WDR44: variants seen among roughly 807,000 people sequenced by gnomAD.
WDR44 encodes the protein WD repeat domain 44.
In WDR44, 9 loss-of-function variants were observed where a neutral mutation model predicts 65.7. That is an observed-to-expected ratio of 0.14 (90% CI 0.08 to 0.24). WDR44 has a LOEUF of 0.24. Among genes scored for constraint, WDR44 ranks in the 10% least tolerant of loss-of-function variants. WDR44 has a pLI of 1.00. For missense variants in WDR44, 425 were observed against 670.9 expected (o/e 0.63, Z 4.05); for synonymous variants, 220 against 235.2 (o/e 0.94, Z 0.59).
Position 118,409,572 on chromosome X carries a change from T to C in WDR44, c.1617T>C (p.Ala539=). 1 of 1,206,886 alleles carries C rather than the reference T, an allele frequency of 8.3e-7. No homozygotes were observed. Among genetic ancestry groups the C allele is most frequent in the African/African-American group, 1.7e-5 (1 of 57,636 alleles). The part of the protein sequence containing the change: ...AGQDNVVRIW[A]LKNAFDYFNN... Reference sequence around the variant, plus strand: ...AAGACAATGTAGTGAGAATATGGGCTTTAAAAAATGCTTTTGACTATTTCA... The same window carrying C: ...AAGACAATGTAGTGAGAATATGGGCCTTAAAAAATGCTTTTGACTATTTCA... Residue 539 remains alanine (A), a synonymous_variant, in exon 11 of 20, where the codon GCT becomes GCC. Coordinates refer to ENST00000254029, the MANE Select transcript of WDR44 (RefSeq NM_019045.5).
chrX:118,346,371 A>G lies in WDR44; in HGVS notation c.-133A>G. On this transcript the variant is annotated 5_prime_UTR_variant, in exon 1 of 20. Transcript: ENST00000254029. The stretch of plus-strand genomic sequence containing the variant: ...TTCCTTAACAGTCTCCTCGCTACAG[A>G]TCGTCTGCTCCCTCAGCCTCGCCCG... 1.8e-6 allele frequency: 1 copy of G among 545,029 alleles called. No homozygotes were observed. Among genetic ancestry groups the G allele is most frequent in the African/African-American group, 2.3e-5 (1 of 43,211 alleles). 44.9% of individuals were successfully genotyped at this position (545,029 alleles called of 1,213,427 possible).
chrX:118,378,710 G>A lies in WDR44; in HGVS notation c.111+258G>A, dbSNP rs182951250. Among the ~76,000 whole-genome samples, 13 of 46,162 alleles carry A rather than the reference G, an allele frequency of 2.8e-4. No individual in the cohort carries two copies. The East Asian group carries it at 0.013, about 45-fold the overall frequency. 40.1% of individuals were successfully genotyped at this position (46,162 alleles called of 115,157 possible). A position where few individuals can be genotyped will look rare whatever the true frequency, so the allele number is the denominator to read the frequency against. On this transcript the variant is annotated intron_variant, in intron 2 of 19. Coordinates refer to ENST00000254029, the MANE Select transcript of WDR44 (RefSeq NM_019045.5). ...TTTATAATATCTAGAATAAAAGAAC[G>A]TGTGTGTGTGTGTGTGTGTGTGTGT...
intron 12 of WDR44, among the ~76,000 whole-genome samples, chrX:118,420,341 C>T (rs1340864701): frequency 9.0e-6 from 1 of 110,736 alleles, no homozygotes; most frequent in Admixed American, 9.6e-5. Flanking sequence ...CAACCTGCGC[C>T]TCCCGGGTTC....
Position 118,378,420 on chromosome X carries a change from T to A in WDR44, c.79T>A (p.Ser27Thr). 8.3e-7 allele frequency: 1 copy of A among 1,208,471 alleles called. No homozygotes were observed. Among genetic ancestry groups the A allele is most frequent in the Non-Finnish European group, 1.1e-6 (1 of 893,387 alleles). The change falls in exon 2 of 20, where the codon TCT (serine) becomes ACT (threonine). Residue 27 changes from serine (S) to threonine (T), a missense_variant and splice_region_variant. Transcript: ENST00000254029. Reference sequence around the variant, plus strand: ...CTCCTTACTTTTATTTCTGAACAGGTCTCCAGGAAAAGTTGGGCTTTCAAC... The same window carrying A: ...CTCCTTACTTTTATTTCTGAACAGGACTCCAGGAAAAGTTGGGCTTTCAAC... ...VHLGGGYPVG[S>T]PGKVGLSTFK... is the part of the protein sequence containing the mutation.
At chrX:118,387,271 C>A in intron 2 of WDR44, 69 bp from the exon 3 acceptor site, 1 of 676,189 alleles carries the variant, frequency 1.5e-6, no homozygotes, top group Non-Finnish European at 2.2e-6. Flanking sequence ...TCATTTGTAC[C>A]CCTTTAAAGC....
intron 3 of WDR44, among the ~76,000 whole-genome samples, chrX:118,389,908 T>A (rs1407137653): frequency 6.5e-5 from 7 of 107,286 alleles, no homozygotes; most frequent in Non-Finnish European, 1.1e-4. Flanking sequence ...TTATTTATTT[T>A]TTGAGACTTG....
At chrX:118,428,025 C>A (rs773061235) in intron 12 of WDR44, among the ~76,000 whole-genome samples, 154 of 109,040 alleles carry the variant, frequency 1.4e-3, no homozygotes, top group African/African-American at 4.8e-3. Flanking sequence ...TGGCTTATTA[C>A]ACTTGTAATC....
chrX:118,357,774 G>C (rs766179657), intron 1 of WDR44, among the ~76,000 whole-genome samples: 100 of 109,615 alleles, frequency 9.1e-4, no homozygotes, highest in Non-Finnish European at 1.7e-3. Flanking sequence ...GTCCCAGCTA[G>C]GTGGGCGTAG....
intron 15 of WDR44, 35 bp from the exon 16 acceptor site, chrX:118,442,209 A>G (rs2057310043): frequency 8.9e-7 from 1 of 1,129,528 alleles, no homozygotes; most frequent in African/African-American, 1.8e-5. Context: ...ACATGCTCCT[A>G]ATTCTAATAT....
chrX:118,407,760 A>T (rs146762942), intron 10 of WDR44, among the ~76,000 whole-genome samples: 1 of 112,277 alleles, frequency 8.9e-6, no homozygotes, highest in East Asian at 2.8e-4. Context: ...TTAGAGTTCA[A>T]ATGTACCAAT....
chrX:118,369,657 A>G (rs1450024647), intron 1 of WDR44, among the ~76,000 whole-genome samples: 1 of 106,307 alleles, frequency 9.4e-6, no homozygotes, highest in African/African-American at 3.5e-5. Flanking sequence ...TTTAGTAGAG[A>G]TGGGGTTTCA....
chrX:118,355,503 G>A (rs745941951), intron 1 of WDR44, among the ~76,000 whole-genome samples: 17 of 112,192 alleles, frequency 1.5e-4, no homozygotes, highest in African/African-American at 5.5e-4. Context: ...AAAGCAAGTA[G>A]ATTTGTCTGT....
intron 12 of WDR44, among the ~76,000 whole-genome samples, chrX:118,425,888 C>T (rs1485633579): frequency 9.0e-6 from 1 of 110,571 alleles, no homozygotes; most frequent in Non-Finnish European, 1.9e-5. Flanking sequence ...GCCTGGCCAA[C>T]ATGGTGAAAC....
At chrX:118,385,288 T>C (rs1327152221) in intron 2 of WDR44, among the ~76,000 whole-genome samples, 6 of 112,139 alleles carry the variant, frequency 5.4e-5, no homozygotes, top group Non-Finnish European at 9.4e-5. Context: ...ATAAAGAAAA[T>C]GTAGTACATA....
At chrX:118,385,944 AT>A (rs373883346) in intron 2 of WDR44, among the ~76,000 whole-genome samples, 17 of 106,281 alleles carry the variant, frequency 1.6e-4, no homozygotes, top group East Asian at 5.8e-4. Context: ...TCCATGAAAC[AT>A]TTTTTTTTTT....
At chrX:118,369,840 A>G (rs957121354) in intron 1 of WDR44, among the ~76,000 whole-genome samples, 8 of 112,261 alleles carry the variant, frequency 7.1e-5, no homozygotes, top group Admixed American at 5.7e-4. Flanking sequence ...TTGCTGAAGT[A>G]CTAATCTTAA....
intron 12 of WDR44, among the ~76,000 whole-genome samples, chrX:118,424,323 G>GTGTGTATATA (rs1289349202): frequency 3.7e-4 from 24 of 65,554 alleles, no homozygotes; most frequent in African/African-American, 2.2e-3. Context: ...GTGTGTGTGT[G>GTGTGTATATA]TATATATATA....
At chrX:118,423,001 CTA>C (rs750018353) in intron 12 of WDR44, among the ~76,000 whole-genome samples, 1 of 111,445 alleles carries the variant, frequency 9.0e-6, no homozygotes, top group East Asian at 2.8e-4. Flanking sequence ...TTCATTCACT[CTA>C]GAGATATTTA....
chrX:118,400,012 T>G (rs2147709378), intron 8 of WDR44, among the ~76,000 whole-genome samples: 1 of 110,441 alleles, frequency 9.1e-6, no homozygotes, highest in Non-Finnish European at 1.9e-5. Flanking sequence ...TGCTTGAGCC[T>G]GAGGGATCGA....
Sources: gnomAD v4.1 joint callset for allele counts (sites outside exome capture counted in the v4.1 genomes callset) on GRCh38, gnomAD v4.1.1 for gene constraint, MANE v1.5 for transcripts, NCBI Gene and HGNC (gene_info 2026-07-23, HGNC 2026-07-21) for gene names.